Variants in CDH23 observed in about 807,000 individuals in gnomAD.
CDH23 encodes the protein cadherin related 23.
CDH23 carries 189 observed loss-of-function variants against 317.1 expected under a neutral mutation model. That is an observed-to-expected ratio of 0.60 (90% CI 0.53 to 0.67). CDH23 has a LOEUF of 0.67. Ranked by LOEUF, CDH23 falls within the 30% of genes least tolerant of loss-of-function variation. The probability of loss-of-function intolerance (pLI) is 0.00; values close to 1 mark genes in which losing one functional copy is unlikely to be tolerated. For synonymous variants in CDH23, 1,839 were observed against 1,876.8 expected (o/e 0.98, Z 0.52); for missense variants, 4,401 against 4,592.4 (o/e 0.96, Z 1.20).
rs769155411 is a variant in CDH23, at chr10:71,777,847, C to A, written c.5013C>A (p.Thr1671=). 1 of 1,613,972 alleles carries A rather than the reference C, an allele frequency of 6.2e-7. No individual in the cohort carries two copies. The highest frequency in any genetic ancestry group is 8.5e-7 in the Non-Finnish European group (1 of 1,179,904). Residue 1671 remains threonine (T), a synonymous_variant, in exon 39 of 70, where the codon ACC becomes ACA. Transcript: ENST00000224721. The stretch of plus-strand genomic sequence containing the variant: ...ATGAGGGTCCCAACGGCACAGTCAC[C>A]TATGCCATCGTCGCAGGCAACATCG... ...DLDEGPNGTV[T]YAIVAGNIVN...
At chr10:71,445,311 G>A (rs536324289) in intron 2 of CDH23, among the ~76,000 whole-genome samples, 1 of 152,342 alleles carries the variant, frequency 6.6e-6, no homozygotes. Flanking sequence ...GGGTTCCTGA[G>A]ATGGCAGCTA....
intron 14 of CDH23, among the ~76,000 whole-genome samples, chr10:71,672,692 G>A (rs951676917): frequency 5.9e-5 from 9 of 152,152 alleles, no homozygotes; most frequent in African/African-American, 1.9e-4. Flanking sequence ...GGTTGGGGGT[G>A]TGAAGCCAGC....
chr10:71,697,567 G>C (rs914337981), intron 22 of CDH23, among the ~76,000 whole-genome samples: 3 of 152,094 alleles, frequency 2.0e-5, no homozygotes, highest in Admixed American at 6.5e-5. Context: ...CAGATACTCA[G>C]GAGGCTAAGG....
chr10:71,806,092 G>A, intron 56 of CDH23, 76 bp from the exon 57 acceptor site: 3 of 1,531,340 alleles, frequency 2.0e-6, no homozygotes, highest in Admixed American at 2.0e-5. Context: ...GTCCCTAGGG[G>A]AACTGGCCAC....
intron 20 of CDH23, among the ~76,000 whole-genome samples, chr10:71,692,056 A>T (rs1234952820): frequency 6.6e-6 from 1 of 152,116 alleles, no homozygotes; most frequent in Non-Finnish European, 1.5e-5. Flanking sequence ...TATGAACCAC[A>T]TGCCCAGCAC....
chr10:71,525,333 T>C (rs1485397867), intron 6 of CDH23, among the ~76,000 whole-genome samples: 1 of 152,216 alleles, frequency 6.6e-6, no homozygotes, highest in East Asian at 1.9e-4. Context: ...CATAGGAAAC[T>C]GACTCAAGGT....
chr10:71,723,193 G>A (rs773711581), intron 28 of CDH23, among the ~76,000 whole-genome samples: 1 of 152,212 alleles, frequency 6.6e-6, no homozygotes, highest in African/African-American at 2.4e-5. Context: ...CAACAGGACA[G>A]CATGTCATAG....
chr10:71,640,576 C>T lies in CDH23; in HGVS notation c.1135-3285C>T, dbSNP rs571668288. 2.1e-3 allele frequency among the ~76,000 whole-genome samples: 323 copies of T among 152,174 alleles called. 2 individuals carry two copies. Among genetic ancestry groups the T allele is most frequent in the Non-Finnish European group, 3.6e-3 (245 of 67,996 alleles). ...CAGCCTGACCACCATGGTGAAACCC[C>T]GTCTCTACTAAAAATACAAAAATTC... On this transcript the variant is annotated intron_variant, in intron 11 of 69. Transcript: ENST00000224721.
At chr10:71,516,398 C>A (rs530290562) in intron 6 of CDH23, among the ~76,000 whole-genome samples, 1 of 152,226 alleles carries the variant, frequency 6.6e-6, no homozygotes, top group Non-Finnish European at 1.5e-5. Context: ...GCCGAAGCCA[C>A]GCCTCCTGGC....
intron 1 of CDH23, among the ~76,000 whole-genome samples, chr10:71,403,207 T>C (rs1018608012): frequency 1.3e-5 from 2 of 152,106 alleles, no homozygotes; most frequent in Admixed American, 1.3e-4. Flanking sequence ...GCATTGCTGA[T>C]TAGAACTGGC....
intron 11 of CDH23, among the ~76,000 whole-genome samples, chr10:71,628,257 A>G (rs1168852599): frequency 6.6e-6 from 1 of 152,242 alleles, no homozygotes; most frequent in Non-Finnish European, 1.5e-5. Flanking sequence ...CCTCCTTCCC[A>G]GCCCATGCTG....
At chr10:71,462,340 T>C (rs1379820281) in intron 3 of CDH23, among the ~76,000 whole-genome samples, 1 of 152,254 alleles carries the variant, frequency 6.6e-6, no homozygotes, top group East Asian at 1.9e-4. Context: ...AGAAAGGAAC[T>C]GTCTCCCTCT....
intron 68 of CDH23, 40 bp from the exon 69 acceptor site, chr10:71,813,204 G>C (rs1842001372): frequency 6.5e-7 from 1 of 1,532,450 alleles, no homozygotes; most frequent in South Asian, 1.2e-5. Flanking sequence ...GGGCAGGCAG[G>C]GGAGGGCCTT....
chr10:71,607,187 G>C (rs1158865432), intron 9 of CDH23, among the ~76,000 whole-genome samples: 1 of 152,202 alleles, frequency 6.6e-6, no homozygotes, highest in Non-Finnish European at 1.5e-5. Context: ...GCTGGACAGC[G>C]ATGGGCCTGC....
chr10:71,602,430 G>A (rs1860283484), intron 9 of CDH23, among the ~76,000 whole-genome samples: 1 of 152,194 alleles, frequency 6.6e-6, no homozygotes, highest in South Asian at 2.1e-4. Flanking sequence ...CTTGCCCAAA[G>A]CCACATAGCT....
At chr10:71,452,748 CTA>C (rs1850510305) in intron 3 of CDH23, among the ~76,000 whole-genome samples, 1 of 152,182 alleles carries the variant, frequency 6.6e-6, no homozygotes, top group Non-Finnish European at 1.5e-5. Flanking sequence ...TTTAGTGTCT[CTA>C]TTATACAAGA....
At chr10:71,800,425 C>A (rs1216143745) in intron 52 of CDH23, among the ~76,000 whole-genome samples, 2 of 152,096 alleles carry the variant, frequency 1.3e-5, no homozygotes, top group Non-Finnish European at 2.9e-5. Flanking sequence ...GCAGGTAGCT[C>A]CAGGCTGGGC....
intron 61 of CDH23, 94 bp downstream of exon 61, chr10:71,810,170 G>C: frequency 6.9e-7 from 1 of 1,443,626 alleles, no homozygotes; most frequent in Non-Finnish European, 9.5e-7. Context: ...GCAAAGGCCA[G>C]GGCGTGAAAG....
At chr10:71,505,189 A>G (rs1853566998) in intron 3 of CDH23, among the ~76,000 whole-genome samples, 1 of 152,202 alleles carries the variant, frequency 6.6e-6, no homozygotes, top group Non-Finnish European at 1.5e-5. Context: ...GGGAAGCCAT[A>G]AAGATGCGTT....
Sources: gnomAD v4.1 joint callset for allele counts (sites outside exome capture counted in the v4.1 genomes callset) on GRCh38, gnomAD v4.1.1 for gene constraint, MANE v1.5 for transcripts, NCBI Gene and HGNC (gene_info 2026-07-23, HGNC 2026-07-21) for gene names.